The following ALDH1A3 variants were observed in gnomAD, a reference collection of about 807,000 sequenced individuals.
ALDH1A3 encodes the protein aldehyde dehydrogenase 1 family member A3, also known as retinaldehyde dehydrogenase 3.
In ALDH1A3, 28 loss-of-function variants were observed where a neutral mutation model predicts 57.5. The ratio of observed to expected loss-of-function variants is 0.49; its 90% CI spans 0.36 to 0.67. ALDH1A3 has a LOEUF of 0.67. Ranked by LOEUF, ALDH1A3 falls within the 30% of genes least tolerant of loss-of-function variation. The pLI is 0.00. For synonymous variants in ALDH1A3, 281 were observed against 264.8 expected (o/e 1.06, Z -0.59); for missense variants, 507 against 669.4 (o/e 0.76, Z 2.68).
chr15:100,907,362 A>G, intron 11 of ALDH1A3, 84 bp downstream of exon 11: 1 of 1,466,386 alleles, frequency 6.8e-7, no homozygotes, highest in Non-Finnish European at 9.3e-7. Flanking sequence ...AGAGTTTCTC[A>G]TTGTTTACAT....
At position 100,887,661 on chromosome 15, in the gene ALDH1A3, G is replaced by A; in HGVS notation, c.294G>A (p.Arg98=). Residue 98 remains arginine (R), a synonymous_variant, in exon 3 of 13, where the codon CGG becomes CGA. Coordinates refer to ENST00000329841, the MANE Select transcript of ALDH1A3 (RefSeq NM_000693.4). The surrounding 1 kb of genome is among the most constrained non-coding windows in gnomAD (Gnocchi z 4.6). ...GGCTGGATGCCCTGAGTCGTGGGCGGCTGCTGCACCAGCTGGCTGACCTGG... is the reference window on the plus strand; with the variant it reads ...GGCTGGATGCCCTGAGTCGTGGGCGACTGCTGCACCAGCTGGCTGACCTGG... ...WRRLDALSRG[R]LLHQLADLVE... is the part of the protein sequence containing the mutation. 2 of 1,610,932 alleles carry A rather than the reference G, an allele frequency of 1.2e-6. No homozygotes were observed. The highest frequency in any genetic ancestry group is 1.7e-6 in the Non-Finnish European group (2 of 1,178,548).
intron 9 of ALDH1A3, among the ~76,000 whole-genome samples, chr15:100,904,881 T>G (rs2041807312): frequency 6.6e-6 from 1 of 152,194 alleles, no homozygotes; most frequent in Non-Finnish European, 1.5e-5. Flanking sequence ...TTCTGCTTTG[T>G]CCCCAGGGGT....
At chr15:100,881,349 G>A (rs1003730895) in intron 1 of ALDH1A3, 17 of 152,242 alleles carry the variant, frequency 1.1e-4, no homozygotes, top group Admixed American at 7.2e-4. Context: ...ATTCTGGGAA[G>A]AGTGAAAATG....
chr15:100,901,410 C>G (rs1194406515), intron 9 of ALDH1A3, among the ~76,000 whole-genome samples: 1 of 152,168 alleles, frequency 6.6e-6, no homozygotes, highest in Non-Finnish European at 1.5e-5. Context: ...AAATGGAGCT[C>G]AGCAGTCACT....
chr15:100,879,968 C>A lies in ALDH1A3; in HGVS notation c.61C>A (p.Pro21Thr). The A allele has an allele frequency of 6.8e-7, 1 of 1,475,896 alleles. No homozygotes were observed. The allele number at this position is 1,475,896 out of a possible 1,614,324, so 91.4% of individuals were successfully genotyped here. ...GCCGGACAGGAAGCCGCCGGCCCTG[C>A]CGCGCCCCATCCGCAACCTGGAGGT... is the stretch of plus-strand genomic sequence containing the variant. ...GQPDRKPPAL[P>T]RPIRNLEVKF... The change falls in exon 1 of 13, where the codon CCG becomes ACG. Residue 21 changes from proline (P) to threonine (T), a missense_variant. Pro to Thr is a conservative substitution (Grantham distance 38). Transcript: ENST00000329841.
rs4646657 is a variant in ALDH1A3, at chr15:100,885,655, C to CT, written c.204+300dup. Among the ~76,000 whole-genome samples the CT allele has an allele frequency of 0.36, 50,115 of 138,280 alleles. 9,010 individuals are homozygous for CT. Among genetic ancestry groups the CT allele is most frequent in the East Asian group, 0.64 (3,118 of 4,874 alleles). 90.7% of individuals were successfully genotyped at this position (138,280 alleles called of 152,430 possible). A position where few individuals can be genotyped will look rare whatever the true frequency, so the allele number is the denominator to read the frequency against. On this transcript the variant is annotated intron_variant, in intron 2 of 12. Coordinates refer to ENST00000329841, the MANE Select transcript of ALDH1A3 (RefSeq NM_000693.4). ...GGCTAAAGGAAAGGTTTTCTTTTTT[C>CT]TTTTTTTTTTTTTTTTATCAATTAT...
intron 7 of ALDH1A3, among the ~76,000 whole-genome samples, chr15:100,897,313 G>A (rs951335340): frequency 2.0e-5 from 3 of 151,848 alleles, no homozygotes; most frequent in Admixed American, 1.3e-4. Flanking sequence ...CTAGGCCTCC[G>A]TGTCTGCACT....
Position 100,890,713 on chromosome 15 carries a change from C to T in ALDH1A3, c.346-1797C>T, listed in dbSNP as rs148125771. 2.4e-3 allele frequency among the ~76,000 whole-genome samples: 360 copies of T among 152,322 alleles called. 2 individuals are homozygous for T. Among genetic ancestry groups the T allele is most frequent in the African/African-American group, 7.3e-3 (304 of 41,564 alleles). On this transcript the variant is annotated intron_variant, in intron 3 of 12. Coordinates refer to ENST00000329841, the MANE Select transcript of ALDH1A3 (RefSeq NM_000693.4). Reference sequence around the variant, plus strand: ...GAGGCAGAATCTTGGCTCCATGTCTCGCGCTTACCCTCAGTGCTGGATGTT... The same window carrying T: ...GAGGCAGAATCTTGGCTCCATGTCTTGCGCTTACCCTCAGTGCTGGATGTT...
rs907616196 is a variant in ALDH1A3 at position 100,880,026 on chromosome 15, C to T, written c.99+20C>T. ...ACCAAGGTGAGGCGGGCGCCCCTCCCACCCGACGGCCGCGGGCCCCTGCGC... is the reference window on the plus strand; with the variant it reads ...ACCAAGGTGAGGCGGGCGCCCCTCCTACCCGACGGCCGCGGGCCCCTGCGC... On this transcript the variant is annotated intron_variant, in intron 1 of 12. Transcript: ENST00000329841. 2.8e-6 allele frequency: 4 copies of T among 1,439,714 alleles called. No individual in the cohort carries two copies. Among genetic ancestry groups the T allele is most frequent in the Non-Finnish European group, 3.7e-6 (4 of 1,090,020 alleles). The allele number at this position is 1,439,714 out of a possible 1,614,324, so 89.2% of individuals were successfully genotyped here. A position where few individuals can be genotyped will look rare whatever the true frequency, so the allele number is the denominator to read the frequency against.
chr15:100,885,102 A>G (rs1329610679), intron 1 of ALDH1A3, among the ~76,000 whole-genome samples, 165 bp from the exon 2 acceptor site: 1 of 152,076 alleles, frequency 6.6e-6, no homozygotes, highest in Non-Finnish European at 1.5e-5. Context: ...CAGTCCTGGG[A>G]CTCTGTTCCC....
intron 9 of ALDH1A3, among the ~76,000 whole-genome samples, chr15:100,901,412 G>A (rs2041767205): frequency 6.6e-6 from 1 of 152,340 alleles, no homozygotes; most frequent in Non-Finnish European, 1.5e-5. Context: ...ATGGAGCTCA[G>A]CAGTCACTCA....
intron 2 of ALDH1A3, among the ~76,000 whole-genome samples, chr15:100,886,715 CTTCTTTCCTTTTAGAAAGA>C (rs2041597788): frequency 6.6e-6 from 1 of 152,218 alleles, no homozygotes; most frequent in African/African-American, 2.4e-5. Flanking sequence ...ATGGCCCTCA[CTTCTTTCCTTTTAGAAAGA>C]AGGTTCCGTT....
At chr15:100,905,471 C>T (rs1296550252) in intron 9 of ALDH1A3, 52 bp from the exon 10 acceptor site, 8 of 1,609,954 alleles carry the variant, frequency 5.0e-6, no homozygotes, top group Non-Finnish European at 6.8e-6. Context: ...CATGAGATGG[C>T]AGCCACTGCC....
Position 100,905,581 on chromosome 15 carries a change from G to A in ALDH1A3, c.1127G>A (p.Gly376Glu). 1.9e-6 allele frequency: 3 copies of A among 1,614,126 alleles called. No individual in the cohort carries two copies. Among genetic ancestry groups the A allele is most frequent in the Non-Finnish European group, 2.5e-6 (3 of 1,180,004 alleles). The part of the protein sequence containing the change: ...LELIESGKKE[G>E]AKLECGGSAM... ...CTGATCGAGAGTGGGAAGAAGGAAG[G>A]GGCCAAGCTGGAATGCGGGGGCTCA... Residue 376 changes from glycine to glutamate, a missense_variant, in exon 10 of 13, where the codon GGG becomes GAG. By Grantham distance (98) the Gly-to-Glu change is moderately conservative. Around this residue, in one of 2 missense-constraint regions of ALDH1A3, gnomAD observed 432 missense variants for 608.4 expected, o/e 0.71. Transcript: ENST00000329841.
intron 12 of ALDH1A3, among the ~76,000 whole-genome samples, chr15:100,909,705 G>A (rs749945789): frequency 3.9e-5 from 6 of 152,126 alleles, no homozygotes; most frequent in South Asian, 2.1e-4. Context: ...AACTTCTTGC[G>A]TCTGGCCCAC....
At chr15:100,910,262 C>A (rs764673250) in intron 12 of ALDH1A3, among the ~76,000 whole-genome samples, 10 of 152,248 alleles carry the variant, frequency 6.6e-5, no homozygotes, top group Non-Finnish European at 1.5e-4. Flanking sequence ...CAGCGGACAT[C>A]AGTAATTGTT....
At chr15:100,885,145 A>G in intron 1 of ALDH1A3, 122 bp from the exon 2 acceptor site, 1 of 689,290 alleles carries the variant, frequency 1.5e-6, no homozygotes. Flanking sequence ...GTCGAAGGGG[A>G]GAGGGAAGCA....
chr15:100,900,917 T>A (rs768188343), intron 9 of ALDH1A3, among the ~76,000 whole-genome samples, 158 bp downstream of exon 9: 1 of 151,992 alleles, frequency 6.6e-6, no homozygotes, highest in Non-Finnish European at 1.5e-5. Context: ...AGAAACACAA[T>A]CCTGTCAGGT....
Position 100,893,661 on chromosome 15 carries a change from T to A in ALDH1A3, c.538-293T>A. The A allele has an allele frequency of 3.5e-6, 1 of 284,488 alleles. No individual in the cohort carries two copies. The highest frequency in any genetic ancestry group is 6.6e-6 in the Non-Finnish European group (1 of 152,048). The allele number at this position is 284,488 out of a possible 1,614,324, so 17.6% of individuals were successfully genotyped here. ...CAACATGAAGTGAGGGTTCAAAAAGTGCCCATGGAGGCAGGGAGGAGGACA... is the reference window on the plus strand; with the variant it reads ...CAACATGAAGTGAGGGTTCAAAAAGAGCCCATGGAGGCAGGGAGGAGGACA... On this transcript the variant is annotated intron_variant, in intron 5 of 12. Coordinates refer to ENST00000329841, the MANE Select transcript of ALDH1A3 (RefSeq NM_000693.4). This position sits in a 1 kb window ranked among gnomAD's most constrained non-coding sequence, Gnocchi z 4.8.
Sources: allele counts gnomAD v4.1 joint callset (sites outside exome capture counted in the v4.1 genomes callset), GRCh38; gene constraint gnomAD v4.1.1; regional missense constraint gnomAD v4.1.1; non-coding constraint Gnocchi (gnomAD v3.1); transcripts MANE v1.5; gene names NCBI Gene and HGNC (gene_info 2026-07-23, HGNC 2026-07-21).